Variants in TYW1B observed in about 807,000 individuals in gnomAD.
The protein encoded by TYW1B is tRNA-yW synthesizing protein 1 homolog B.
TYW1B carries 73 observed loss-of-function variants against 86.9 expected under a neutral mutation model. The observed-to-expected ratio is 0.84, with a 90% confidence interval of 0.70 to 1.02. The LOEUF is 1.02. Among genes scored for constraint, TYW1B ranks in the 50% least tolerant of loss-of-function variants. The probability of loss-of-function intolerance (pLI) is 0.00; values close to 1 mark genes in which losing one functional copy is unlikely to be tolerated. For missense variants in TYW1B, 637 were observed against 827.4 expected, an observed-to-expected ratio of 0.77 and a Z score of 2.82; for synonymous variants, 248 against 292.8, an observed-to-expected ratio of 0.85 and a Z score of 1.56.
chr7:72,747,606 G>C (rs13239566), intron 7 of TYW1B, among the ~76,000 whole-genome samples: 14,396 of 152,224 alleles, frequency 0.095, 1,194 homozygotes, highest in East Asian at 0.33. Context: ...TACAAGATCA[G>C]AGTGAACTAT....
intron 13 of TYW1B, among the ~76,000 whole-genome samples, chr7:72,611,899 G>A (rs181707205): frequency 1.3e-5 from 2 of 152,174 alleles, no homozygotes; most frequent in Non-Finnish European, 2.9e-5. Flanking sequence ...CTCCTTGTGG[G>A]TGGGGAAAGA....
intron 10 of TYW1B, among the ~76,000 whole-genome samples, chr7:72,710,610 G>C (rs1786634763): frequency 6.6e-6 from 1 of 152,162 alleles, no homozygotes; most frequent in African/African-American, 2.4e-5. Context: ...TGTATCACTT[G>C]AGGTCAGGAG....
chr7:72,708,780 T>C (rs1273651599), intron 10 of TYW1B, among the ~76,000 whole-genome samples: 13 of 152,284 alleles, frequency 8.5e-5, no homozygotes, highest in African/African-American at 2.9e-4. Context: ...CTTAGTTTAA[T>C]TCGGAGAGGC....
intron 8 of TYW1B, among the ~76,000 whole-genome samples, chr7:72,729,626 A>G (rs1225705039): frequency 6.6e-6 from 1 of 152,090 alleles, no homozygotes; most frequent in Non-Finnish European, 1.5e-5. Flanking sequence ...AACAGGCAGC[A>G]CAGTACAGCA....
chr7:72,801,233 G>A (rs2129572487), intron 6 of TYW1B, among the ~76,000 whole-genome samples: 1 of 152,256 alleles, frequency 6.6e-6, no homozygotes, highest in Middle Eastern at 3.4e-3. Flanking sequence ...GGAGGCTGAG[G>A]CAGGAGAATC....
rs113631502 is a variant in TYW1B at position 72,650,635 on chromosome 7, A to G, written c.1507-21638T>C. 2.2e-3 allele frequency among the ~76,000 whole-genome samples: 338 copies of G among 152,296 alleles called. 4 individuals carry two copies. Among genetic ancestry groups the G allele is most frequent in the African/African-American group, 7.5e-3 (312 of 41,564 alleles). ...AACACAGATAAAATGAAAATCAAAT[A>G]AAGCTGGTTAAAACATACAATGAAA... On this transcript the variant is annotated intron_variant, in intron 11 of 13. Transcript: ENST00000620995.
chr7:72,576,748 G>A (rs782292258), intron 13 of TYW1B, among the ~76,000 whole-genome samples: 2 of 151,860 alleles, frequency 1.3e-5, no homozygotes, highest in Admixed American at 6.6e-5. Context: ...TCCTAACCTC[G>A]TGATCCGCCG....
chr7:72,655,980 G>A (rs1348865247), intron 11 of TYW1B, among the ~76,000 whole-genome samples: 1 of 152,178 alleles, frequency 6.6e-6, no homozygotes, highest in East Asian at 1.9e-4. Flanking sequence ...GCCCATGACT[G>A]CCACCACTAT....
intron 7 of TYW1B, among the ~76,000 whole-genome samples, chr7:72,753,754 C>T (rs1453466505): frequency 1.3e-5 from 2 of 152,130 alleles, no homozygotes; most frequent in Non-Finnish European, 2.9e-5. Flanking sequence ...GCTGAGATTA[C>T]AGGCGTGAGC....
chr7:72,757,194 CCT>C (rs1297650531), intron 7 of TYW1B, among the ~76,000 whole-genome samples: 7 of 151,906 alleles, frequency 4.6e-5, no homozygotes, highest in African/African-American at 1.7e-4. Flanking sequence ...ATGGTGAAAC[CCT>C]GTCTCTACTA....
chr7:72,642,165 G>A (rs1163363614), intron 11 of TYW1B, among the ~76,000 whole-genome samples: 1 of 152,156 alleles, frequency 6.6e-6, no homozygotes, highest in Non-Finnish European at 1.5e-5. Context: ...GAGACAACTA[G>A]TTATTCACAG....
chr7:72,647,314 A>T (rs1313260215), intron 11 of TYW1B, among the ~76,000 whole-genome samples: 12 of 152,220 alleles, frequency 7.9e-5, no homozygotes, highest in Non-Finnish European at 5.9e-5. Flanking sequence ...GAATCTGAAA[A>T]ATATTCAAAT....
intron 9 of TYW1B, among the ~76,000 whole-genome samples, chr7:72,721,930 C>G (rs1193517196): frequency 3.9e-5 from 6 of 152,102 alleles, no homozygotes; most frequent in Non-Finnish European, 1.5e-5. Flanking sequence ...TAGCGATAAA[C>G]CAAATAACAC....
At chr7:72,707,958 C>T (rs1554453976) in intron 10 of TYW1B, among the ~76,000 whole-genome samples, 1 of 152,178 alleles carries the variant, frequency 6.6e-6, no homozygotes, top group East Asian at 1.9e-4. Context: ...TTCTCTTCCT[C>T]CTGCTGTGTG....
intron 11 of TYW1B, among the ~76,000 whole-genome samples, chr7:72,676,061 C>G (rs1813729456): frequency 6.6e-6 from 1 of 152,100 alleles, no homozygotes; most frequent in Non-Finnish European, 1.5e-5. Flanking sequence ...TTATGGTTAA[C>G]AAACTGAAGC....
intron 7 of TYW1B, among the ~76,000 whole-genome samples, chr7:72,753,480 A>ATT (rs11359200): frequency 0.033 from 4,610 of 138,560 alleles, 189 homozygotes; most frequent in African/African-American, 0.092. Flanking sequence ...ATCATTAGCA[A>ATT]TTTTTTTTTT....
At chr7:72,748,759 G>T (rs1266216559) in intron 7 of TYW1B, among the ~76,000 whole-genome samples, 2 of 151,688 alleles carry the variant, frequency 1.3e-5, no homozygotes, top group African/African-American at 4.8e-5. Context: ...TGTTGAACCT[G>T]CCTTGCATAC....
intron 12 of TYW1B, among the ~76,000 whole-genome samples, chr7:72,619,960 T>C (rs553170823): frequency 6.6e-6 from 1 of 152,278 alleles, no homozygotes; most frequent in South Asian, 2.1e-4. Flanking sequence ...AAAATAGCCA[T>C]GAAACACTGA....
At chr7:72,652,403 A>T (rs1192424201) in intron 11 of TYW1B, among the ~76,000 whole-genome samples, 4 of 150,170 alleles carry the variant, frequency 2.7e-5, no homozygotes, top group Non-Finnish European at 5.9e-5. Context: ...AAAAAAAAAA[A>T]AAATTTTTGT....
Sources: gnomAD v4.1 joint callset for allele counts (sites outside exome capture counted in the v4.1 genomes callset) on GRCh38, gnomAD v4.1.1 for gene constraint, MANE v1.5 for transcripts, NCBI Gene and HGNC (gene_info 2026-07-23, HGNC 2026-07-21) for gene names.